The following TRMT11 variants were observed in gnomAD, a reference collection of about 807,000 sequenced individuals.
The protein encoded by TRMT11 is tRNA methyltransferase 11, also known as tRNA (guanine(10)-N(2))-methyltransferase TRMT11.
In TRMT11, 53 loss-of-function variants were observed where a neutral mutation model predicts 62.8. The ratio of observed to expected loss-of-function variants is 0.84; its 90% CI spans 0.68 to 1.06. The LOEUF (loss-of-function observed/expected upper bound fraction) is 1.06. Ranked by LOEUF, TRMT11 falls within the 50% of genes least tolerant of loss-of-function variation. The probability of loss-of-function intolerance (pLI) is 0.00; values close to 1 mark genes in which losing one functional copy is unlikely to be tolerated. For synonymous variants in TRMT11, 188 were observed against 190.3 expected (o/e 0.99, Z 0.10); for missense variants, 556 against 553.4 (o/e 1.00, Z -0.05).
chr6:125,994,619 A>T (rs948056138), intron 2 of TRMT11, among the ~76,000 whole-genome samples: 8 of 152,260 alleles, frequency 5.3e-5, no homozygotes, highest in Non-Finnish European at 8.8e-5. Context: ...ATATACCCAA[A>T]GTAATATAAG....
chr6:126,224,454 C>T, the TRMT11 span, among the ~76,000 whole-genome samples: 23 of 152,060 alleles, frequency 1.5e-4, no homozygotes, highest in African/African-American at 4.8e-4. Flanking sequence ...TCTCTAATGC[C>T]GGGGGGCTGG....
At chr6:126,068,724 G>A (rs760319113) in intron 17 of TRMT11, among the ~76,000 whole-genome samples, 1 of 152,072 alleles carries the variant, frequency 6.6e-6, no homozygotes, top group Non-Finnish European at 1.5e-5. Flanking sequence ...AGAGCGTATC[G>A]GCTATTCTTA....
At chr6:125,991,177 T>G (rs1263428474) in intron 1 of TRMT11, among the ~76,000 whole-genome samples, 4 of 142,168 alleles carry the variant, frequency 2.8e-5, no homozygotes, top group African/African-American at 1.1e-4. Context: ...ACCTGGGAGG[T>G]GGAGGTTGCA....
the TRMT11 span, among the ~76,000 whole-genome samples, chr6:126,265,510 T>C: frequency 6.6e-6 from 1 of 152,102 alleles, no homozygotes; most frequent in Non-Finnish European, 1.5e-5. Context: ...AATAACTATA[T>C]AAAACTATAA....
chr6:126,003,586 A>G (rs886338977), intron 7 of TRMT11, among the ~76,000 whole-genome samples: 1 of 152,034 alleles, frequency 6.6e-6, no homozygotes, highest in Admixed American at 6.6e-5. Context: ...TTGGGTGAAA[A>G]ATGATATCTC....
the TRMT11 span, among the ~76,000 whole-genome samples, chr6:126,242,514 C>T: frequency 1.2e-4 from 19 of 152,250 alleles, no homozygotes; most frequent in African/African-American, 2.2e-4. Context: ...GGAGGCATCA[C>T]GCTACCTGAC....
intron 21 of TRMT11, among the ~76,000 whole-genome samples, chr6:126,152,484 G>A (rs1778071155): frequency 6.6e-6 from 1 of 152,038 alleles, no homozygotes; most frequent in African/African-American, 2.4e-5. Flanking sequence ...TGGAATCCAA[G>A]GATTATTAGC....
chr6:126,021,346 T>G, intron 12 of TRMT11, 66 bp downstream of exon 12: 1 of 1,559,792 alleles, frequency 6.4e-7, no homozygotes, highest in Admixed American at 1.7e-5. Flanking sequence ...TCTAAATAGT[T>G]TTCCTGTGAT....
At chr6:126,189,055 AG>A (rs1372156092) in intron 1 of TRMT11, among the ~76,000 whole-genome samples, 3 of 152,096 alleles carry the variant, frequency 2.0e-5, no homozygotes, top group African/African-American at 7.2e-5. Context: ...GATTGGGAGA[AG>A]GGTTGGTTCT....
chr6:126,018,516 TA>T (rs1795314327), intron 11 of TRMT11, among the ~76,000 whole-genome samples: 1 of 152,014 alleles, frequency 6.6e-6, no homozygotes, highest in Non-Finnish European at 1.5e-5. Flanking sequence ...TTCACCCCCT[TA>T]ACGTATACAA....
chr6:126,251,767 C>A, the TRMT11 span, among the ~76,000 whole-genome samples: 1 of 152,180 alleles, frequency 6.6e-6, no homozygotes, highest in Non-Finnish European at 1.5e-5. Flanking sequence ...AATCCGAACT[C>A]ATTTTATGTT....
rs185870736 is a variant in TRMT11, at chr6:126,072,447, G to A, written c.*1437+19257G>A. On this transcript the variant is annotated intron_variant and NMD_transcript_variant, in intron 17 of 22. Coordinates refer to the TRMT11 transcript ENST00000648977. ...GTGTTCTTATCTTTGTGGATTCCACGGCACCTAACAGAATGTCTTGAGTAT... is the reference window on the plus strand; with the variant it reads ...GTGTTCTTATCTTTGTGGATTCCACAGCACCTAACAGAATGTCTTGAGTAT... 4.6e-3 allele frequency among the ~76,000 whole-genome samples: 704 copies of A among 152,220 alleles called. 9 individuals are homozygous for A. The highest frequency in any genetic ancestry group is 0.016 in the African/African-American group (675 of 41,520).
At chr6:126,069,913 C>T (rs1776802658) in intron 17 of TRMT11, among the ~76,000 whole-genome samples, 2 of 149,598 alleles carry the variant, frequency 1.3e-5, no homozygotes, top group African/African-American at 4.9e-5. Flanking sequence ...GCAGAAATGT[C>T]CTTTAAAATC....
exon 4 of TRMT11, chr6:126,202,152 T>G (rs1244902800): frequency 6.6e-6 from 1 of 152,194 alleles, no homozygotes; most frequent in Non-Finnish European, 1.5e-5. Flanking sequence ...TGGTACATAA[T>G]GCAGTGTCTG....
At chr6:126,081,281 C>A (rs1777152677) in intron 17 of TRMT11, among the ~76,000 whole-genome samples, 1 of 152,084 alleles carries the variant, frequency 6.6e-6, no homozygotes, top group African/African-American at 2.4e-5. Context: ...ATGCAAAGGC[C>A]ACTGGAAACA....
chr6:126,152,940 G>A (rs1000323575), intron 21 of TRMT11, among the ~76,000 whole-genome samples: 5 of 152,088 alleles, frequency 3.3e-5, no homozygotes, highest in Admixed American at 6.6e-5. Context: ...TCAGAGACCC[G>A]GAGTCTAAAC....
chr6:126,223,827 A>G, the TRMT11 span, among the ~76,000 whole-genome samples: 3 of 152,034 alleles, frequency 2.0e-5, no homozygotes, highest in African/African-American at 7.2e-5. Flanking sequence ...ACATAATCCC[A>G]TATTTCTTGG....
intron 18 of TRMT11, among the ~76,000 whole-genome samples, chr6:126,114,227 A>G (rs1382327336): frequency 1.3e-5 from 2 of 152,072 alleles, no homozygotes; most frequent in Non-Finnish European, 1.5e-5. Flanking sequence ...GTCGCAGCTG[A>G]TAACAGTTTG....
intron 17 of TRMT11, among the ~76,000 whole-genome samples, chr6:126,091,027 T>C (rs1029461617): frequency 6.6e-6 from 1 of 152,060 alleles, no homozygotes; most frequent in African/African-American, 2.4e-5. Context: ...CTGGTCAACA[T>C]GGCGAAACCC....
Sources: gnomAD v4.1 joint callset for allele counts (sites outside exome capture counted in the v4.1 genomes callset) on GRCh38, gnomAD v4.1.1 for gene constraint, MANE v1.5 for transcripts, NCBI Gene and HGNC (gene_info 2026-07-23, HGNC 2026-07-21) for gene names.